The following CDCA5 variants were observed in gnomAD, a reference collection of about 807,000 sequenced individuals.
The protein encoded by CDCA5 is sororin.
In CDCA5, 14 loss-of-function variants were observed where a neutral mutation model predicts 25.7. The observed-to-expected ratio is 0.54, with a 90% CI of 0.36 to 0.85. The LOEUF (loss-of-function observed/expected upper bound fraction) is 0.85. Ranked by LOEUF, CDCA5 falls within the 40% of genes least tolerant of loss-of-function variation. The probability of loss-of-function intolerance (pLI) is 0.01; values close to 1 mark genes in which losing one functional copy is unlikely to be tolerated. For missense variants in CDCA5, 307 were observed against 324.5 expected (o/e 0.95, Z 0.41); for synonymous variants, 127 against 128.7 (o/e 0.99, Z 0.09).
At chr11:65,079,265 T>C (rs778518102) in intron 5 of CDCA5, 78 bp from the exon 6 acceptor site, 1 of 1,605,578 alleles carries the variant, frequency 6.2e-7, no homozygotes, top group East Asian at 2.2e-5. Flanking sequence ...ACCCTGCAGG[T>C]GCTGCCTATC....
downstream of CDCA5, among the ~76,000 whole-genome samples, chr11:65,063,836 G>A (rs1193002742): frequency 6.6e-6 from 1 of 152,176 alleles, no homozygotes; most frequent in African/African-American, 2.4e-5. Flanking sequence ...AACACCCTGG[G>A]GCCCACGCAG....
chr11:65,077,075 G>A (rs749935237), downstream of CDCA5, among the ~76,000 whole-genome samples: 1 of 152,162 alleles, frequency 6.6e-6, no homozygotes, highest in Non-Finnish European at 1.5e-5. Flanking sequence ...ATCACTTGAG[G>A]TCAGAGTTCA....
intron 4 of CDCA5, 38 bp from the exon 5 acceptor site, chr11:65,079,825 A>G: frequency 1.4e-6 from 2 of 1,401,786 alleles, no homozygotes; most frequent in Non-Finnish European, 1.9e-6. Flanking sequence ...CTCAATACTT[A>G]GCTGGACTGC....
Position 65,083,612 on chromosome 11 carries a change from A to T in CDCA5, c.141+17T>A. On this transcript the variant is annotated intron_variant, in intron 2 of 5. Coordinates refer to ENST00000275517, the MANE Select transcript of CDCA5 (RefSeq NM_080668.4). ...TGAGGGGCCACAAGGGGAGGAAGTG[A>T]GAAATCTGGGGCTCACCTTCGGCCA... 6.2e-7 allele frequency: 1 copy of T among 1,614,200 alleles called. No homozygotes were observed.
downstream of CDCA5, among the ~76,000 whole-genome samples, chr11:65,073,240 C>T (rs1227211592): frequency 6.6e-6 from 1 of 152,038 alleles, no homozygotes; most frequent in South Asian, 2.1e-4. Context: ...CCACCGCGCC[C>T]GGCCGACTAT....
At chr11:65,076,400 C>T (rs1188567522), downstream of CDCA5, among the ~76,000 whole-genome samples, 1 of 152,178 alleles carries the variant, frequency 6.6e-6, no homozygotes, top group African/African-American at 2.4e-5. Context: ...CAGGTGTCAG[C>T]CACTGTGCCC....
At chr11:65,062,821 T>G (rs1178158853), downstream of CDCA5, among the ~76,000 whole-genome samples, 5 of 152,308 alleles carry the variant, frequency 3.3e-5, no homozygotes, top group South Asian at 8.3e-4. Context: ...AGGCTTCCTC[T>G]TCCTCTGTGG....
chr11:65,083,995 C>T lies in CDCA5; in HGVS notation c.-17G>A. On this transcript the variant is annotated 5_prime_UTR_variant, in exon 1 of 6. Coordinates refer to ENST00000275517, the MANE Select transcript of CDCA5 (RefSeq NM_080668.4). ...CCCAGACATAACTTAGGCTCCGTCT[C>T]GAGCTCCTCCAGCGCCGCCGCCCCG... 4.4e-6 allele frequency: 7 copies of T among 1,606,872 alleles called. No individual in the cohort carries two copies. Among genetic ancestry groups the T allele is most frequent in the Non-Finnish European group, 5.9e-6 (7 of 1,177,056 alleles).
chr11:65,083,299 T>G, intron 4 of CDCA5, 65 bp downstream of exon 4: 1 of 1,580,534 alleles, frequency 6.3e-7, no homozygotes, highest in African/African-American at 1.3e-5. Flanking sequence ...GAGGAGCCAA[T>G]GTGTGCTGTC....
rs1947490144 is a variant in CDCA5 at position 65,078,490 on chromosome 11, A to C, written c.*617T>G. ...CACACTTATGGTCTGAGACCCAACT[A>C]AGGCTCCCTACATCCTTCAAAACTC... On this transcript the variant is annotated 3_prime_UTR_variant, in exon 6 of 6. Coordinates refer to ENST00000275517, the MANE Select transcript of CDCA5 (RefSeq NM_080668.4). The C allele has an allele frequency of 1.0e-6, 1 of 985,404 alleles. No individual in the cohort carries two copies. The highest frequency in any genetic ancestry group is 1.2e-6 in the Non-Finnish European group (1 of 829,972). The allele number at this position is 985,404 out of a possible 1,614,324, so 61.0% of individuals were successfully genotyped here.
Position 65,079,500 on chromosome 11 carries a change from C to G in CDCA5, c.531G>C (p.Leu177Phe). 1.2e-6 allele frequency: 2 copies of G among 1,614,190 alleles called. No individual in the cohort carries two copies. Among genetic ancestry groups the G allele is most frequent in the Non-Finnish European group, 1.7e-6 (2 of 1,180,044 alleles). ...GFEGLLGAEDLSGVSPVVCSK... is the reference protein window; with the variant it reads ...GFEGLLGAEDFSGVSPVVCSK... ...AGCACACCACTGGCGAGACTCCGGA[C>G]AAGTCTTCTGCCCCCAGCAGCCCCT... The change falls in exon 5 of 6, where the codon TTG becomes TTC. Residue 177 changes from leucine to phenylalanine, a missense_variant. Transcript: ENST00000275517.
chr11:65,074,640 G>A (rs1947404260), downstream of CDCA5, among the ~76,000 whole-genome samples: 1 of 150,860 alleles, frequency 6.6e-6, no homozygotes, highest in Non-Finnish European at 1.5e-5. Context: ...TTGGGCAGCT[G>A]AGGTGGAAGG....
intron 3 of CDCA5, chr11:65,068,006 C>T: frequency 1.6e-6 from 2 of 1,281,798 alleles, no homozygotes; most frequent in Non-Finnish European, 2.0e-6. Context: ...CTCTCTCTCT[C>T]TCTCTCTCAT....
intron 4 of CDCA5, among the ~76,000 whole-genome samples, chr11:65,081,037 C>A (rs1377079343): frequency 1.3e-5 from 2 of 152,110 alleles, no homozygotes; most frequent in Non-Finnish European, 2.9e-5. Flanking sequence ...GTGCAACAAC[C>A]CTGAGGCCAC....
downstream of CDCA5, among the ~76,000 whole-genome samples, chr11:65,074,486 A>C (rs1481401723): frequency 6.6e-6 from 1 of 152,174 alleles, no homozygotes; most frequent in East Asian, 1.9e-4. Context: ...GTTATTGTTG[A>C]ATAATGCTGC....
intron 6 of CDCA5, chr11:65,066,533 G>C (rs1947240228): frequency 1.6e-6 from 2 of 1,289,250 alleles, no homozygotes; most frequent in Non-Finnish European, 2.0e-6. Context: ...CCTCCCCGCT[G>C]CCATGGCTGC....
chr11:65,079,278 C>G (rs565801632), intron 5 of CDCA5, 75 bp downstream of exon 5: 46 of 1,610,692 alleles, frequency 2.9e-5, no homozygotes, highest in Admixed American at 8.4e-5. Flanking sequence ...TGCCTATCCC[C>G]CAAAAGAGCC....
intron 2 of CDCA5, among the ~76,000 whole-genome samples, chr11:65,068,293 G>C (rs1040542561): frequency 6.6e-6 from 1 of 152,018 alleles, no homozygotes; most frequent in Non-Finnish European, 1.5e-5. Context: ...ACCTGTCCAG[G>C]AGGCCCTCCA....
chr11:65,082,795 T>C (rs1947599517), intron 4 of CDCA5, among the ~76,000 whole-genome samples: 1 of 151,764 alleles, frequency 6.6e-6, no homozygotes, highest in Admixed American at 6.6e-5. Context: ...TTCAAATGTT[T>C]CTTCTTCCAC....
Sources: gnomAD v4.1 joint callset for allele counts (sites outside exome capture counted in the v4.1 genomes callset) on GRCh38, gnomAD v4.1.1 for gene constraint, MANE v1.5 for transcripts, NCBI Gene and HGNC (gene_info 2026-07-23, HGNC 2026-07-21) for gene names.